Variants in CAPN15 observed in about 807,000 individuals in gnomAD.
The protein encoded by CAPN15 is calpain 15.
A neutral mutation model predicts 97.9 loss-of-function variants in CAPN15; 53 were observed. That is an observed-to-expected ratio of 0.54 (90% CI 0.43 to 0.68). CAPN15 has a LOEUF of 0.68. CAPN15 is among the 30% of genes least tolerant of loss of function. The pLI, the probability that CAPN15 is intolerant of heterozygous loss-of-function variation, is 0.00. For missense variants in CAPN15, 1,592 were observed against 1,589.8 expected, an observed-to-expected ratio of 1.00 and a Z score of -0.02; for synonymous variants, 922 against 722.5, an observed-to-expected ratio of 1.28 and a Z score of -4.43.
chr16:546,917 G>A lies in CAPN15; in HGVS notation c.79G>A (p.Glu27Lys), dbSNP rs768599731. Residue 27 changes from glutamate (E) to lysine (K), a missense_variant, in exon 4 of 14, where the codon GAG becomes AAG. Coordinates refer to ENST00000219611, the MANE Select transcript of CAPN15 (RefSeq NM_005632.3). ...CGGCCAGCGCCAGTGCTCCATCTGC[G>A]AGGCTCCCCGGCACAAGCCCGACCT... ...PAGQRQCSIC[E>K]APRHKPDLNH... The A allele has an allele frequency of 1.6e-5, 25 of 1,611,056 alleles. No individual in the cohort carries two copies. The highest frequency in any genetic ancestry group is 8.3e-5 in the Admixed American group (5 of 59,980).
rs771914553 is a variant in CAPN15, at chr16:552,651, G to C, written c.2784G>C (p.Pro928=). The C allele has an allele frequency of 1.0e-5, 16 of 1,538,754 alleles. No homozygotes were observed. The South Asian group carries it at 1.9e-4, about 18-fold the overall frequency. Reference sequence around the variant, plus strand: ...TCCCGAGAGCCTCCCCAGAGCCGCCGGGCCACGTGCTGGCTGTGTACAGCT... The same window carrying C: ...TCCCGAGAGCCTCCCCAGAGCCGCCCGGCCACGTGCTGGCTGTGTACAGCT... ...AGVPRASPEP[P]GHVLAVYSSR... is the part of the protein sequence containing the mutation. The change falls in exon 12 of 14, where the codon CCG becomes CCC. Residue 928 remains proline (P), a synonymous_variant. Transcript: ENST00000219611. The surrounding 1 kb of genome is among the most constrained non-coding windows in gnomAD (Gnocchi z 6.4).
chr16:531,485 TG>T (rs930312154), intron 1 of CAPN15, among the ~76,000 whole-genome samples: 62 of 152,316 alleles, frequency 4.1e-4, no homozygotes, highest in Admixed American at 9.8e-4. Flanking sequence ...CAATAAGTTT[TG>T]GAGCTTTCTG....
chr16:545,900 C>T (rs964034101), intron 3 of CAPN15, among the ~76,000 whole-genome samples: 2 of 152,374 alleles, frequency 1.3e-5, no homozygotes, highest in East Asian at 1.9e-4. Flanking sequence ...CGTGCAGGTG[C>T]GGCCGGGAGC....
In CAPN15 at chr16:552,482, G is replaced by T. The variant is rs754821797; in HGVS notation, c.2689G>T (p.Ala897Ser). Residue 897 changes from alanine (A) to serine (S), a missense_variant, in exon 11 of 14, where the codon GCC becomes TCC. This residue lies in a region of CAPN15 where 644 missense variants were observed against 699.6 expected (regional missense o/e 0.92). Transcript: ENST00000219611. The surrounding 1 kb of genome is among the most constrained non-coding windows in gnomAD (Gnocchi z 6.4). ...TGGCGAGTACGCTGTGGTGTGCTGC[G>T]CCTTCAACCACTGGGGGCCGCCCCT... ...EPGEYAVVCCAFNHWGPPLPG... is the reference protein window; with the variant it reads ...EPGEYAVVCCSFNHWGPPLPG... The T allele has an allele frequency of 2.5e-6, 4 of 1,608,350 alleles. No individual in the cohort carries two copies. Among genetic ancestry groups the T allele is most frequent in the Non-Finnish European group, 3.4e-6 (4 of 1,179,526 alleles).
At chr16:530,150 C>A (rs903977283) in intron 1 of CAPN15, among the ~76,000 whole-genome samples, 1 of 152,202 alleles carries the variant, frequency 6.6e-6, no homozygotes, top group African/African-American at 2.4e-5. Context: ...CTGGAGAGAA[C>A]GCTGAGGTCT....
In CAPN15 at chr16:549,687, C is replaced by A. The variant is rs1320127914; in HGVS notation, c.1915C>A (p.Leu639Ile). The A allele has an allele frequency of 7.0e-6, 11 of 1,564,000 alleles. No individual in the cohort carries two copies. The highest frequency in any genetic ancestry group is 1.2e-5 in the South Asian group (1 of 85,714). Reference protein sequence around the residue: ...LAKLHGSYFALQAGRAIEGLA... With the variant: ...LAKLHGSYFAIQAGRAIEGLA... ...CAAGCTGCACGGCTCCTACTTTGCG[C>A]TCCAGGCGGGCCGCGCCATCGAAGG... Residue 639 changes from leucine (L) to isoleucine (I), a missense_variant, in exon 7 of 14, where the codon CTC (leucine) becomes ATC (isoleucine). Physicochemically the swap from Leu to Ile is conservative, Grantham distance 5. Transcript: ENST00000219611.
At chr16:532,824 G>A (rs944125629) in intron 1 of CAPN15, among the ~76,000 whole-genome samples, 1 of 150,778 alleles carries the variant, frequency 6.6e-6, no homozygotes, top group Non-Finnish European at 1.5e-5. Flanking sequence ...CTGCACTCCA[G>A]CCTGGGCAAC....
In CAPN15 at chr16:552,793, G is replaced by C; in HGVS notation, c.2904+22G>C. The C allele has an allele frequency of 1.3e-6, 2 of 1,522,314 alleles. No individual in the cohort carries two copies. Among genetic ancestry groups the C allele is most frequent in the Non-Finnish European group, 1.8e-6 (2 of 1,132,984 alleles). 94.3% of individuals were successfully genotyped at this position (1,522,314 alleles called of 1,614,324 possible). On this transcript the variant is annotated intron_variant, in intron 12 of 13. Coordinates refer to ENST00000219611, the MANE Select transcript of CAPN15 (RefSeq NM_005632.3). This position sits in a 1 kb window ranked among gnomAD's most constrained non-coding sequence, Gnocchi z 6.4. ...CGAGGTGGGTGGGGGTCCCGGGGGA[G>C]GGTGGCGTGGGGCAGGGGGAGTATG...
intron 7 of CAPN15, 147 bp from the exon 8 acceptor site, chr16:551,155 G>T (rs1319276578): frequency 2.0e-5 from 18 of 915,812 alleles, no homozygotes; most frequent in East Asian, 1.5e-4. Context: ...CGGTGAGGGC[G>T]CCCCGTCGGT....
intron 5 of CAPN15, 22 bp downstream of exon 5, chr16:549,223 G>A: frequency 1.3e-6 from 2 of 1,542,442 alleles, no homozygotes; most frequent in Non-Finnish European, 1.7e-6. Flanking sequence ...TCCAAGGCCG[G>A]GGTGGGGCGG....
intron 3 of CAPN15, among the ~76,000 whole-genome samples, chr16:542,129 C>T (rs895488767): frequency 1.3e-5 from 2 of 152,258 alleles, no homozygotes; most frequent in Non-Finnish European, 2.9e-5. Flanking sequence ...CAGATTCATG[C>T]ACCTGCAGCC....
At chr16:529,838 T>C (rs898200691) in intron 1 of CAPN15, among the ~76,000 whole-genome samples, 1 of 152,218 alleles carries the variant, frequency 6.6e-6, no homozygotes, top group African/African-American at 2.4e-5. Flanking sequence ...CCCTGGACCG[T>C]GAGGCTGAAA....
chr16:549,626 G>A lies in CAPN15; in HGVS notation c.1854G>A (p.Lys618=), dbSNP rs770615439. 217 of 1,546,776 alleles carry A rather than the reference G, an allele frequency of 1.4e-4. No individual in the cohort carries two copies. Among genetic ancestry groups the A allele is most frequent in the Admixed American group, 9.9e-4 (53 of 53,310 alleles). The part of the protein sequence containing the change: ...GCLLFSQAQR[K]QLWVALIEKA... ...CCGGCCCTCTGCAGGCGCAGCGGAA[G>A]CAGCTGTGGGTGGCCCTCATCGAGA... The change falls in exon 7 of 14, where the codon AAG becomes AAA. Residue 618 remains lysine, a synonymous_variant. Transcript: ENST00000219611.
rs749534366 is a variant in CAPN15 at position 549,778 on chromosome 16, G to T, written c.2006G>T (p.Arg669Leu). The T allele has an allele frequency of 6.3e-7, 1 of 1,592,940 alleles. No individual in the cohort carries two copies. The highest frequency in any genetic ancestry group is 8.5e-7 in the Non-Finnish European group (1 of 1,169,910). The change falls in exon 7 of 14, where the codon CGC becomes CTC. Residue 669 changes from arginine (R) to leucine (L), a missense_variant. Around this residue, in one of 3 missense-constraint regions of CAPN15, gnomAD observed 644 missense variants for 699.6 expected, o/e 0.92. Transcript: ENST00000219611. Reference sequence around the variant, plus strand: ...CTGCAGCTCAGCTCCACTAACCCCCGCGAGGAGCCCGTTGACACTGACCTC... The same window carrying T: ...CTGCAGCTCAGCTCCACTAACCCCCTCGAGGAGCCCGTTGACACTGACCTC... ...LALQLSSTNP[R>L]EEPVDTDLIW... is the part of the protein sequence containing the mutation.
At chr16:542,757 A>T (rs2034208521) in intron 3 of CAPN15, among the ~76,000 whole-genome samples, 1 of 94,834 alleles carries the variant, frequency 1.1e-5, no homozygotes, top group African/African-American at 5.5e-5. Flanking sequence ...CTGGTTAATT[A>T]GAAAAAAAAA....
intron 3 of CAPN15, among the ~76,000 whole-genome samples, chr16:544,715 A>ACGT (rs1353884716): frequency 3.6e-4 from 3 of 8,258 alleles, no homozygotes; most frequent in Non-Finnish European, 7.0e-4. Context: ...CGCCTCCCCC[A>ACGT]CGTCGCCTCC....
At chr16:529,984 C>A (rs912789601) in intron 1 of CAPN15, among the ~76,000 whole-genome samples, 9 of 152,214 alleles carry the variant, frequency 5.9e-5, no homozygotes, top group African/African-American at 1.9e-4. Flanking sequence ...TGCCCTCTGA[C>A]CCCTGGCACA....
At chr16:550,440 C>T (rs542687982) in intron 7 of CAPN15, among the ~76,000 whole-genome samples, 31 of 152,370 alleles carry the variant, frequency 2.0e-4, no homozygotes, top group African/African-American at 7.2e-4. Context: ...TGGTCCAGAC[C>T]CTCCTGAACA....
intron 1 of CAPN15, among the ~76,000 whole-genome samples, chr16:532,232 T>C (rs1302196719): frequency 3.5e-4 from 40 of 115,378 alleles, no homozygotes; most frequent in South Asian, 5.7e-4. Context: ...AGAGCTATAC[T>C]CCGTCTCAAA....
Sources: allele counts gnomAD v4.1 joint callset (sites outside exome capture counted in the v4.1 genomes callset), GRCh38; gene constraint gnomAD v4.1.1; regional missense constraint gnomAD v4.1.1; non-coding constraint Gnocchi (gnomAD v3.1); transcripts MANE v1.5; gene names NCBI Gene and HGNC (gene_info 2026-07-23, HGNC 2026-07-21).